MIPEP: variants seen among roughly 807,000 people sequenced by gnomAD.
MIPEP encodes the protein mitochondrial intermediate peptidase.
In MIPEP, 79 loss-of-function variants were observed where a neutral mutation model predicts 90.3. The observed-to-expected ratio is 0.87, with a 90% CI of 0.73 to 1.05. The LOEUF is 1.05. Among genes scored for constraint, MIPEP ranks in the 50% least tolerant of loss-of-function variants. MIPEP has a pLI of 0.00. For missense variants in MIPEP, 940 were observed against 905.6 expected, an observed-to-expected ratio of 1.04 and a Z score of -0.49; for synonymous variants, 334 against 315.8, an observed-to-expected ratio of 1.06 and a Z score of -0.61.
At chr13:23,845,898 C>T (rs1178679364) in intron 10 of MIPEP, among the ~76,000 whole-genome samples, 2 of 150,648 alleles carry the variant, frequency 1.3e-5, no homozygotes, top group African/African-American at 2.4e-5. Flanking sequence ...TTTAGCTTCT[C>T]TGGTGGTTTC....
rs527636418 is a variant in MIPEP at position 23,762,018 on chromosome 13, G to C, written c.1849-1801C>G. ...CACAAGTCTGTAATCTCAGCTACTTGGGAAGCTGAAGCAGGAGAACTGCTT... is the reference window on the plus strand; with the variant it reads ...CACAAGTCTGTAATCTCAGCTACTTCGGAAGCTGAAGCAGGAGAACTGCTT... On this transcript the variant is annotated intron_variant, in intron 16 of 18. Coordinates refer to ENST00000382172, the MANE Select transcript of MIPEP (RefSeq NM_005932.4). 9.2e-5 allele frequency among the ~76,000 whole-genome samples: 14 copies of C among 152,206 alleles called. No individual in the cohort carries two copies. The East Asian group carries it at 2.7e-3, about 29-fold the overall frequency.
chr13:23,738,664 T>A (rs1264387359), intron 18 of MIPEP, among the ~76,000 whole-genome samples: 2 of 151,734 alleles, frequency 1.3e-5, no homozygotes, highest in Non-Finnish European at 2.9e-5. Flanking sequence ...TTCAGGCTGG[T>A]CTCGAACTCC....
chr13:23,881,557 C>T, intron 3 of MIPEP, 142 bp downstream of exon 3: 1 of 687,972 alleles, frequency 1.5e-6, no homozygotes, highest in East Asian at 2.7e-5. Flanking sequence ...TGAGCCCTCC[C>T]TCCGGCCACC....
intron 15 of MIPEP, among the ~76,000 whole-genome samples, chr13:23,807,074 G>GCTCA (rs1229093895): frequency 6.6e-6 from 1 of 152,116 alleles, no homozygotes; most frequent in Non-Finnish European, 1.5e-5. Flanking sequence ...TATAGGGAGG[G>GCTCA]CTCAACTAGA....
chr13:23,838,677 C>G (rs7334106), intron 12 of MIPEP, among the ~76,000 whole-genome samples: 1 of 152,184 alleles, frequency 6.6e-6, no homozygotes, highest in South Asian at 2.1e-4. Flanking sequence ...CTAGCTAGAA[C>G]TGCCACACCT....
intron 16 of MIPEP, among the ~76,000 whole-genome samples, chr13:23,774,167 C>G (rs1227466292): frequency 6.6e-6 from 1 of 151,980 alleles, no homozygotes; most frequent in Non-Finnish European, 1.5e-5. Context: ...TTCCCAGCAC[C>G]ATTCTTCGAA....
At chr13:23,736,890 A>ATG (rs1440175945) in intron 18 of MIPEP, among the ~76,000 whole-genome samples, 1 of 152,182 alleles carries the variant, frequency 6.6e-6, no homozygotes, top group Non-Finnish European at 1.5e-5. Flanking sequence ...AAGCCAAGAG[A>ATG]GTCACACAAC....
At chr13:23,886,573 A>G in intron 1 of MIPEP, 67 bp from the exon 2 acceptor site, 1 of 1,311,356 alleles carries the variant, frequency 7.6e-7, no homozygotes, top group Non-Finnish European at 1.0e-6. Context: ...TATATTTACT[A>G]AAATTACTTT....
chr13:23,830,322 G>A lies in MIPEP; in HGVS notation c.1653+5918C>T, dbSNP rs114329001. 4.7e-3 allele frequency among the ~76,000 whole-genome samples: 709 copies of A among 152,252 alleles called. 4 individuals carry two copies. Among genetic ancestry groups the A allele is most frequent in the African/African-American group, 0.016 (657 of 41,530 alleles). On this transcript the variant is annotated intron_variant, in intron 14 of 18. Coordinates refer to ENST00000382172, the MANE Select transcript of MIPEP (RefSeq NM_005932.4). ...TTTTTTAAATAACAGAAGATTATAA[G>A]CAGTAAAATACCATTTTTGTAAAGT...
intron 16 of MIPEP, among the ~76,000 whole-genome samples, chr13:23,782,426 T>C (rs1952791488): frequency 6.6e-6 from 1 of 152,060 alleles, no homozygotes; most frequent in Non-Finnish European, 1.5e-5. Flanking sequence ...AGACACAACA[T>C]ACCAGAATCT....
At chr13:23,739,980 T>C (rs1952308039) in intron 18 of MIPEP, among the ~76,000 whole-genome samples, 1 of 152,180 alleles carries the variant, frequency 6.6e-6, no homozygotes, top group Non-Finnish European at 1.5e-5. Flanking sequence ...GGATATTGCT[T>C]TTTTCCACCT....
At chr13:23,828,974 G>A (rs1358257909) in intron 14 of MIPEP, among the ~76,000 whole-genome samples, 1 of 152,174 alleles carries the variant, frequency 6.6e-6, no homozygotes, top group Admixed American at 6.5e-5. Context: ...AATACAGACA[G>A]CATGGCTTTG....
At chr13:23,793,744 C>T (rs925433179) in intron 16 of MIPEP, among the ~76,000 whole-genome samples, 15 of 151,648 alleles carry the variant, frequency 9.9e-5, no homozygotes, top group Non-Finnish European at 2.2e-4. Flanking sequence ...CCCTGGGAGA[C>T]TGTAACAGAG....
chr13:23,881,624 C>T (rs1871271478), intron 3 of MIPEP, 75 bp downstream of exon 3: 2 of 1,294,222 alleles, frequency 1.5e-6, no homozygotes, highest in Admixed American at 1.8e-5. Flanking sequence ...ATGGACAAAA[C>T]TGCCTACGGC....
intron 17 of MIPEP, among the ~76,000 whole-genome samples, chr13:23,759,820 C>G (rs906035248): frequency 6.6e-6 from 1 of 152,162 alleles, no homozygotes; most frequent in African/African-American, 2.4e-5. Context: ...AGCACAGGAG[C>G]CCTCATACAA....
intron 10 of MIPEP, among the ~76,000 whole-genome samples, chr13:23,851,373 C>T (rs996079918): frequency 2.6e-5 from 4 of 152,220 alleles, no homozygotes; most frequent in Non-Finnish European, 2.9e-5. Flanking sequence ...TTTATAATGA[C>T]GCTTTACAAA....
chr13:23,867,756 G>A (rs1870606149), intron 7 of MIPEP, among the ~76,000 whole-genome samples: 1 of 152,014 alleles, frequency 6.6e-6, no homozygotes, highest in Admixed American at 6.6e-5. Context: ...GCAGCCTGTG[G>A]AAAACCATAA....
chr13:23,831,383 C>CGGGGGGGGGGGGGGGGGGGG (rs1555237542), intron 14 of MIPEP, among the ~76,000 whole-genome samples: 6 of 40,908 alleles, frequency 1.5e-4, no homozygotes, highest in Non-Finnish European at 3.5e-4. Context: ...TTCCCCATGG[C>CGGGGGGGGGGGGGGGGGGGG]GGGGGGGGGA....
chr13:23,774,346 C>T (rs1046236168), intron 16 of MIPEP, among the ~76,000 whole-genome samples: 1 of 151,996 alleles, frequency 6.6e-6, no homozygotes, highest in Non-Finnish European at 1.5e-5. Context: ...GAAGTGTGAG[C>T]CCTCTAGCTT....
Sources: gnomAD v4.1 joint callset for allele counts (sites outside exome capture counted in the v4.1 genomes callset) on GRCh38, gnomAD v4.1.1 for gene constraint, MANE v1.5 for transcripts, NCBI Gene and HGNC (gene_info 2026-07-23, HGNC 2026-07-21) for gene names.